The following UFD1 variants were observed in gnomAD, a reference collection of about 807,000 sequenced individuals.
The protein encoded by UFD1 is ubiquitin recognition factor in ER-associated degradation protein 1.
Under a neutral mutation model 45.9 loss-of-function variants are expected in UFD1, and 13 were observed. The observed-to-expected ratio is 0.28, with a 90% CI of 0.18 to 0.45. The LOEUF (loss-of-function observed/expected upper bound fraction) is 0.45, where lower values mean the gene tolerates loss of function less well. Ranked by LOEUF, UFD1 falls within the 20% of genes least tolerant of loss-of-function variation. The pLI is 1.00. For synonymous variants in UFD1, 128 were observed against 139.2 expected, an observed-to-expected ratio of 0.92 and a Z score of 0.56; for missense variants, 218 against 389.2, an observed-to-expected ratio of 0.56 and a Z score of 3.70.
intron 11 of UFD1, chr22:19,453,996 A>C: frequency 2.0e-6 from 2 of 985,664 alleles, no homozygotes; most frequent in Non-Finnish European, 2.4e-6. Flanking sequence ...CCATATTCCC[A>C]CAAAGTGCCC....
intron 11 of UFD1, chr22:19,454,499 C>T: frequency 1.2e-6 from 1 of 826,378 alleles, no homozygotes; most frequent in Non-Finnish European, 1.7e-6. Flanking sequence ...CCAGCTTTTT[C>T]TCTGCCTGCT....
At chr22:19,477,505 G>A (rs931680948) in intron 1 of UFD1, among the ~76,000 whole-genome samples, 1 of 152,188 alleles carries the variant, frequency 6.6e-6, no homozygotes. Context: ...TGGAGACAAA[G>A]TGGAACAGAG....
chr22:19,479,124 A>C lies in UFD1; in HGVS notation c.-39T>G, dbSNP rs906121052. ...TGGCAGACTCCGCTCCTCTCAGGCA[A>C]TGCAACGAAGAAACCCCGCCGACCG... On this transcript the variant is annotated 5_prime_UTR_variant, in exon 1 of 12. Transcript: ENST00000263202. 6.2e-6 allele frequency: 10 copies of C among 1,609,360 alleles called. No homozygotes were observed. Among genetic ancestry groups the C allele is most frequent in the African/African-American group, 1.3e-5 (1 of 74,846 alleles).
chr22:19,453,037 T>C (rs1601885008), intron 11 of UFD1: 2 of 984,486 alleles, frequency 2.0e-6, no homozygotes. Context: ...AAATCCTCTA[T>C]TATTTAGATG....
At chr22:19,477,790 A>G (rs1568904993) in intron 1 of UFD1, among the ~76,000 whole-genome samples, 1 of 152,248 alleles carries the variant, frequency 6.6e-6, no homozygotes, top group Non-Finnish European at 1.5e-5. Flanking sequence ...GTTTACTAGC[A>G]ACTCCAAAAT....
chr22:19,455,792 T>A (rs1601887363), intron 9 of UFD1, 24 bp from the exon 10 acceptor site: 1 of 1,608,372 alleles, frequency 6.2e-7, no homozygotes, highest in Admixed American at 1.7e-5. Flanking sequence ...AGGTGAGTCA[T>A]ATAATAAGCC....
rs1228115324 is a variant in UFD1 at position 19,456,705 on chromosome 22, C to T, written c.631-71G>A. 4.0e-5 allele frequency: 65 copies of T among 1,613,322 alleles called. 1 individual carries two copies. Among genetic ancestry groups the T allele is most frequent in the Middle Eastern group, 1.6e-4 (1 of 6,084 alleles). ...CCAGCTTCCCTCTCACCCCCACCCC[C>T]GGCTAGGATGTCCCCCGGAAGCATG... On this transcript the variant is annotated intron_variant, in intron 8 of 11. Coordinates refer to ENST00000263202, the MANE Select transcript of UFD1 (RefSeq NM_005659.7).
At chr22:19,475,959 G>A (rs1332876509) in intron 1 of UFD1, among the ~76,000 whole-genome samples, 1 of 152,074 alleles carries the variant, frequency 6.6e-6, no homozygotes, top group East Asian at 1.9e-4. Context: ...TCTTTATTGA[G>A]TGCCTACTGT....
intron 11 of UFD1, chr22:19,451,102 C>G (rs2089678275): frequency 1.0e-6 from 1 of 953,652 alleles, no homozygotes; most frequent in Non-Finnish European, 1.2e-6. Flanking sequence ...GGCAGAGCAA[C>G]AGAGCAAGAC....
chr22:19,468,566 G>C (rs1003978492), intron 4 of UFD1, among the ~76,000 whole-genome samples: 5 of 152,212 alleles, frequency 3.3e-5, no homozygotes, highest in African/African-American at 1.2e-4. Context: ...GAGACGGAAA[G>C]AGATAAACAA....
At chr22:19,470,918 G>A in intron 4 of UFD1, 1 of 441,674 alleles carries the variant, frequency 2.3e-6, no homozygotes, top group African/African-American at 2.0e-5. Flanking sequence ...TCACTGCGGG[G>A]TCTCTCAGTA....
intron 7 of UFD1, 46 bp from the exon 8 acceptor site, chr22:19,456,964 C>T: frequency 7.7e-7 from 1 of 1,305,684 alleles, no homozygotes; most frequent in African/African-American, 1.5e-5. Context: ...ACATGACCAC[C>T]CTTGGCTTCC....
chr22:19,478,956 G>T, intron 1 of UFD1, 127 bp downstream of exon 1: 1 of 1,319,856 alleles, frequency 7.6e-7, no homozygotes, highest in Non-Finnish European at 1.0e-6. Flanking sequence ...CGATGAGCCT[G>T]CAGGCCGGAC....
At chr22:19,475,128 A>T (rs773928964) in intron 2 of UFD1, 28 bp from the exon 3 acceptor site, 7 of 1,594,410 alleles carry the variant, frequency 4.4e-6, no homozygotes, top group Non-Finnish European at 6.0e-6. Flanking sequence ...AAGAAATATT[A>T]AAAAATAAAA....
Position 19,456,616 on chromosome 22 carries a change from T to G in UFD1, c.649A>C (p.Ser217Arg), listed in dbSNP as rs1162094755. 2 of 1,614,034 alleles carry G rather than the reference T, an allele frequency of 1.2e-6. No individual in the cohort carries two copies. Among genetic ancestry groups the G allele is most frequent in the Admixed American group, 3.3e-5 (2 of 60,000 alleles). The change falls in exon 9 of 12, where the codon AGT becomes CGT. Residue 217 changes from serine to arginine, a missense_variant. Ser to Arg is a moderately radical substitution (Grantham distance 110). Coordinates refer to ENST00000263202, the MANE Select transcript of UFD1 (RefSeq NM_005659.7). ...EESTEGEADH[S>R]GYAGELGFRA... ...AAGCCCAGCTCTCCAGCATAGCCAC[T>G]GTGGTCGGCTTCACCTTCCTGACAG... is the stretch of plus-strand genomic sequence containing the variant.
At chr22:19,461,946 C>T (rs1468686639) in intron 6 of UFD1, among the ~76,000 whole-genome samples, 1 of 151,914 alleles carries the variant, frequency 6.6e-6, no homozygotes, top group Admixed American at 6.6e-5. Context: ...TTTGCTTTAT[C>T]TAATTCATTT....
At chr22:19,474,549 A>AAAAT (rs1055661563) in intron 3 of UFD1, among the ~76,000 whole-genome samples, 37 of 152,120 alleles carry the variant, frequency 2.4e-4, no homozygotes, top group African/African-American at 2.7e-4. Context: ...TCTGTCTCAA[A>AAAAT]AAATAAATAA....
intron 11 of UFD1, chr22:19,451,546 T>G: frequency 3.0e-6 from 3 of 985,422 alleles, no homozygotes; most frequent in Non-Finnish European, 3.6e-6. Context: ...TTTTTTCACA[T>G]GCTTTTATTG....
At chr22:19,476,680 A>G (rs1450457582) in intron 1 of UFD1, among the ~76,000 whole-genome samples, 1 of 151,030 alleles carries the variant, frequency 6.6e-6, no homozygotes, top group South Asian at 2.1e-4. Context: ...TCTTATACAT[A>G]TCTACAATTT....
Sources: allele counts gnomAD v4.1 joint callset (sites outside exome capture counted in the v4.1 genomes callset), GRCh38; gene constraint gnomAD v4.1.1; transcripts MANE v1.5; gene names NCBI Gene and HGNC (gene_info 2026-07-23, HGNC 2026-07-21).